The following PGGT1B variants were observed in gnomAD, a reference collection of about 807,000 sequenced individuals.
PGGT1B encodes geranylgeranyl transferase type-1 subunit beta.
PGGT1B carries 30 observed loss-of-function variants against 46.1 expected under a neutral mutation model. That is an observed-to-expected ratio of 0.65 (90% CI 0.49 to 0.88). The LOEUF (loss-of-function observed/expected upper bound fraction) is 0.88. Ranked by LOEUF, PGGT1B falls within the 40% of genes least tolerant of loss-of-function variation. The probability of loss-of-function intolerance (pLI) is 0.00; values close to 1 mark genes in which losing one functional copy is unlikely to be tolerated. For synonymous variants in PGGT1B, 170 were observed against 160.0 expected (o/e 1.06, Z -0.47); for missense variants, 376 against 455.9 (o/e 0.82, Z 1.60).
In PGGT1B at chr5:115,218,677, G is replaced by C. The variant is rs527341556; in HGVS notation, c.844-1704C>G. ...AATTCTTCTTTAAAAAACAATGCTA[G>C]TTAATAAATTGAGAAGGAATGAAAG... On this transcript the variant is annotated intron_variant, in intron 7 of 8. Transcript: ENST00000419445. 2.7e-4 allele frequency among the ~76,000 whole-genome samples: 41 copies of C among 151,546 alleles called. 1 individual carries two copies. In the South Asian group the frequency reaches 7.7e-3, roughly 28 times the overall value.
At chr5:115,248,794 C>G (rs962482754) in intron 2 of PGGT1B, among the ~76,000 whole-genome samples, 2 of 152,194 alleles carry the variant, frequency 1.3e-5, no homozygotes, top group Admixed American at 6.5e-5. Flanking sequence ...AGGTTTCAGA[C>G]AGGTCTCTGA....
At chr5:115,249,922 T>G (rs931615715) in intron 2 of PGGT1B, among the ~76,000 whole-genome samples, 14 of 152,192 alleles carry the variant, frequency 9.2e-5, no homozygotes, top group African/African-American at 3.4e-4. Flanking sequence ...TTCCCTGATT[T>G]CTAGTAAGGT....
intron 4 of PGGT1B, among the ~76,000 whole-genome samples, chr5:115,237,100 T>C (rs1420893326): frequency 1.3e-5 from 2 of 152,204 alleles, no homozygotes; most frequent in Admixed American, 6.5e-5. Context: ...ACATAAGTCA[T>C]ATATGTACTG....
chr5:115,231,155 G>GT lies in PGGT1B; in HGVS notation c.613-135dup, dbSNP rs542852150. On this transcript the variant is annotated intron_variant, in intron 5 of 8. Coordinates refer to ENST00000419445, the MANE Select transcript of PGGT1B (RefSeq NM_005023.4). ...CTCCTTTACATCTTCCAAAATATGCGTTTTTCCCCATGGAGAAGTAGAATT... is the reference window on the plus strand; with the variant it reads ...CTCCTTTACATCTTCCAAAATATGCGTTTTTTCCCCATGGAGAAGTAGAATT... 2.0e-4 allele frequency: 100 copies of GT among 505,820 alleles called. No individual in the cohort carries two copies. In the South Asian group the frequency reaches 3.4e-3, roughly 17 times the overall value. The allele number at this position is 505,820 out of a possible 1,614,324, so 31.3% of individuals were successfully genotyped here.
rs200951057 is a variant in PGGT1B at position 115,242,404 on chromosome 5, TA to T, written c.260-799del. ...CAGCAGACTGTAAATGCACCGCTGA[TA>T]AAAAAAAATCGAGTTGGTCTAAAAA... On this transcript the variant is annotated intron_variant, in intron 2 of 8. Transcript: ENST00000419445. 5.3e-5 allele frequency among the ~76,000 whole-genome samples: 8 copies of T among 151,676 alleles called. No homozygotes were observed. In the East Asian group the frequency reaches 1.5e-3, roughly 29 times the overall value.
intron 1 of PGGT1B, among the ~76,000 whole-genome samples, chr5:115,255,337 A>G (rs915119864): frequency 6.6e-6 from 1 of 152,204 alleles, no homozygotes; most frequent in African/African-American, 2.4e-5. Flanking sequence ...ATAGCAACAA[A>G]GTGTGAAAAT....
chr5:115,212,338 A>G lies in PGGT1B; in HGVS notation c.*64T>C, dbSNP rs1353363339. ...AAAAAAAGAGCACACTTGGTTATAC[A>G]TGGCTTTTAAACTTGAGCTACAGTT... On this transcript the variant is annotated 3_prime_UTR_variant, in exon 9 of 9. Transcript: ENST00000419445. The G allele has an allele frequency of 1.9e-6, 3 of 1,605,146 alleles. No homozygotes were observed. Among genetic ancestry groups the G allele is most frequent in the African/African-American group, 2.7e-5 (2 of 74,530 alleles).
At chr5:115,221,233 G>A (rs898303116) in intron 7 of PGGT1B, among the ~76,000 whole-genome samples, 3 of 151,962 alleles carry the variant, frequency 2.0e-5, no homozygotes, top group African/African-American at 7.2e-5. Flanking sequence ...AATTCTTAAA[G>A]ATGAAAAGGC....
chr5:115,214,584 A>G (rs1042345726), intron 8 of PGGT1B, among the ~76,000 whole-genome samples: 5 of 152,224 alleles, frequency 3.3e-5, no homozygotes, highest in African/African-American at 1.2e-4. Flanking sequence ...AATTTAGCAA[A>G]GCCCTTCTAT....
chr5:115,245,746 G>C (rs781758728), intron 2 of PGGT1B, among the ~76,000 whole-genome samples: 19 of 151,988 alleles, frequency 1.3e-4, no homozygotes, highest in South Asian at 8.3e-4. Flanking sequence ...CAGAAAGACT[G>C]TATACTGTCA....
At position 115,237,952 on chromosome 5, in the gene PGGT1B, G is replaced by C; in HGVS notation, c.385C>G (p.Leu129Val). ...TCTCCAAGAATAACTAAGCATGAGA[G>C]GCCAGTGTAGGTCATTGCAATGTGG... ...SGHIAMTYTG[L>V]SCLVILGDDL... Residue 129 changes from leucine (L) to valine (V), a missense_variant, in exon 4 of 9, where the codon CTC becomes GTC. Physicochemically the swap from Leu to Val is conservative, Grantham distance 32 (BLOSUM62 1). This residue lies in a region of PGGT1B where 222 missense variants were observed against 313.6 expected (regional missense o/e 0.71). Transcript: ENST00000419445. 1.2e-6 allele frequency: 2 copies of C among 1,612,612 alleles called. No homozygotes were observed. The highest frequency in any genetic ancestry group is 1.7e-6 in the Non-Finnish European group (2 of 1,179,452).
chr5:115,254,837 T>G (rs1748247143), intron 1 of PGGT1B, among the ~76,000 whole-genome samples: 2 of 152,116 alleles, frequency 1.3e-5, no homozygotes, highest in African/African-American at 4.8e-5. Context: ...TTCTCATATA[T>G]TATCTCAATT....
chr5:115,249,830 C>A (rs1433883902), intron 2 of PGGT1B, among the ~76,000 whole-genome samples: 1 of 152,132 alleles, frequency 6.6e-6, no homozygotes, highest in Non-Finnish European at 1.5e-5. Context: ...TTATTTACTG[C>A]ATAATATTCT....
chr5:115,237,026 TTGTG>T (rs1482381332), intron 4 of PGGT1B, among the ~76,000 whole-genome samples: 2 of 152,212 alleles, frequency 1.3e-5, no homozygotes, highest in Non-Finnish European at 2.9e-5. Context: ...GCAATCTATG[TTGTG>T]TATGTATTTA....
intron 3 of PGGT1B, among the ~76,000 whole-genome samples, 174 bp from the exon 4 acceptor site, chr5:115,238,183 A>G (rs958214415): frequency 5.9e-5 from 9 of 152,074 alleles, no homozygotes; most frequent in Middle Eastern, 3.4e-3. Context: ...CTCAATATGA[A>G]TATGATTGCA....
At chr5:115,240,809 G>A (rs1344349273) in intron 3 of PGGT1B, among the ~76,000 whole-genome samples, 1 of 152,138 alleles carries the variant, frequency 6.6e-6, no homozygotes, top group Non-Finnish European at 1.5e-5. Flanking sequence ...CCCCATCAGG[G>A]AAAAAGTTTC....
chr5:115,216,388 C>T (rs1756418371), intron 8 of PGGT1B, among the ~76,000 whole-genome samples: 1 of 152,154 alleles, frequency 6.6e-6, no homozygotes, highest in Non-Finnish European at 1.5e-5. Context: ...GATCCACCTG[C>T]CTTGACCTCC....
intron 1 of PGGT1B, among the ~76,000 whole-genome samples, chr5:115,255,274 A>G (rs552993198): frequency 5.8e-4 from 89 of 152,314 alleles, no homozygotes; most frequent in African/African-American, 2.1e-3. Context: ...CCCCAGAGGA[A>G]TGTGCTTCTC....
At chr5:115,230,724 A>T (rs930130948) in intron 6 of PGGT1B, among the ~76,000 whole-genome samples, 1 of 152,150 alleles carries the variant, frequency 6.6e-6, no homozygotes, top group Non-Finnish European at 1.5e-5. Context: ...TTTCATGCAG[A>T]TAACACTTGA....
Sources: allele counts gnomAD v4.1 joint callset (sites outside exome capture counted in the v4.1 genomes callset), GRCh38; gene constraint gnomAD v4.1.1; regional missense constraint gnomAD v4.1.1; transcripts MANE v1.5; gene names NCBI Gene and HGNC (gene_info 2026-07-23, HGNC 2026-07-21).